Variants in ZNF655 observed in about 807,000 individuals in gnomAD.
The protein encoded by ZNF655 is zinc finger protein 655.
In ZNF655, 3 loss-of-function variants were observed where a neutral mutation model predicts 6.6. The observed-to-expected ratio is 0.46, with a 90% CI of 0.21 to 1.18. The LOEUF is 1.18. ZNF655 is among the 50% of genes most tolerant of loss of function. The probability of loss-of-function intolerance (pLI) is 0.24; values close to 1 mark genes in which losing one functional copy is unlikely to be tolerated. For synonymous variants in ZNF655, 178 were observed against 195.0 expected (o/e 0.91, Z 0.73); for missense variants, 526 against 572.3 (o/e 0.92, Z 0.83).
In ZNF655 at chr7:99,573,085, A is replaced by G. The variant is rs1428229884; in HGVS notation, c.977A>G (p.Lys326Arg). Residue 326 changes from lysine (K) to arginine (R), a missense_variant, in exon 3 of 3, where the codon AAA (lysine) becomes AGA (arginine). Transcript: ENST00000252713. ...VHLTQHQKIH[K>R]EMPCKCTVCG... Reference sequence around the variant, plus strand: ...CTTACTCAACATCAGAAAATTCACAAAGAGATGCCCTGTAAGTGTACTGTA... The same window carrying G: ...CTTACTCAACATCAGAAAATTCACAGAGAGATGCCCTGTAAGTGTACTGTA... The G allele has an allele frequency of 1.9e-6, 3 of 1,614,142 alleles. No individual in the cohort carries two copies. The highest frequency in any genetic ancestry group is 1.7e-6 in the Non-Finnish European group (2 of 1,179,994).
rs1804209108 is a variant in ZNF655 at position 99,573,166 on chromosome 7, A to G, written c.1058A>G (p.His353Arg). Residue 353 changes from histidine to arginine, a missense_variant, in exon 3 of 3, where the codon CAT becomes CGT. Coordinates refer to ENST00000252713, the MANE Select transcript of ZNF655 (RefSeq NM_138494.3). ...SYLLEHQRVH[H>R]EEKAYEYDEY... The stretch of plus-strand genomic sequence containing the variant: ...CTACTTGAACATCAGAGGGTCCATC[A>G]TGAAGAGAAAGCCTATGAGTATGAT... 1.2e-6 allele frequency: 2 copies of G among 1,614,190 alleles called. No homozygotes were observed. Among genetic ancestry groups the G allele is most frequent in the Non-Finnish European group, 1.7e-6 (2 of 1,180,010 alleles).
chr7:99,573,633 A>T lies in ZNF655; in HGVS notation c.*49A>T, dbSNP rs778052484. ...TTATCAAATTCAGGCTTCATTCAGC[A>T]TCTGAGAGTTCACACCAGGGAGAAA... On this transcript the variant is annotated 3_prime_UTR_variant, in exon 3 of 3. Transcript: ENST00000252713. 14 of 1,558,588 alleles carry T rather than the reference A, an allele frequency of 9.0e-6. No homozygotes were observed. Among genetic ancestry groups the T allele is most frequent in the Non-Finnish European group, 1.2e-5 (14 of 1,160,048 alleles).
rs1488352586 is a variant in ZNF655, at chr7:99,574,934, T to C, written c.*1350T>C. On this transcript the variant is annotated 3_prime_UTR_variant, in exon 3 of 3. Transcript: ENST00000252713. ...TGGTCTGGTGTCTTATTTCCTAAAG[T>C]GAAGCATCTTTTTTTAAAAAAGAAT... 1.3e-5 allele frequency: 2 copies of C among 152,236 alleles called. No individual in the cohort carries two copies. Among genetic ancestry groups the C allele is most frequent in the Non-Finnish European group, 1.5e-5 (1 of 68,036 alleles). 9.4% of individuals were successfully genotyped at this position (152,236 alleles called of 1,614,324 possible).
At position 99,572,712 on chromosome 7, in the gene ZNF655, T is replaced by C. The variant is rs1179801304; in HGVS notation, c.604T>C (p.Trp202Arg). The C allele has an allele frequency of 1.9e-6, 3 of 1,613,136 alleles. No homozygotes were observed. Among genetic ancestry groups the C allele is most frequent in the Non-Finnish European group, 2.5e-6 (3 of 1,179,934 alleles). Residue 202 changes from tryptophan to arginine, a missense_variant, in exon 3 of 3, where the codon TGG (tryptophan) becomes CGG (arginine). By Grantham distance (101) the Trp-to-Arg change is moderately radical. Transcript: ENST00000252713. ...AATGGATCTCTCCCACCTTAATAAA[T>C]GGGAGAGCATCCCTAACACTGAGAA... ...SLMDLSHLNKWESIPNTEKSY... is the reference protein window; with the variant it reads ...SLMDLSHLNKRESIPNTEKSY...
chr7:99,572,128 AATAAACTT>A, intron 2 of ZNF655, 109 bp from the exon 3 acceptor site: 1 of 1,156,646 alleles, frequency 8.6e-7, no homozygotes, highest in Non-Finnish European at 1.2e-6. Context: ...TTTCAGAGTA[AATAAACTT>A]TTCTTGTCCT....
Position 99,573,738 on chromosome 7 carries a change from A to T in ZNF655, c.*154A>T. ...GCATCAGATAATTCACACCAGAGAG[A>T]AACCCTCTGAATGTGACGAATGAAG... is the stretch of plus-strand genomic sequence containing the variant. On this transcript the variant is annotated 3_prime_UTR_variant, in exon 3 of 3. Transcript: ENST00000252713. The T allele has an allele frequency of 1.2e-6, 1 of 847,164 alleles. No homozygotes were observed. Among genetic ancestry groups the T allele is most frequent in the Non-Finnish European group, 1.8e-6 (1 of 556,192 alleles). The allele number at this position is 847,164 out of a possible 1,614,324, so 52.5% of individuals were successfully genotyped here.
At position 99,572,650 on chromosome 7, in the gene ZNF655, CAG is replaced by C. The variant is rs754859040; in HGVS notation, c.545_546del (p.Glu182GlyfsTer5). 5.6e-6 allele frequency: 9 copies of C among 1,613,580 alleles called. No individual in the cohort carries two copies. Among genetic ancestry groups the C allele is most frequent in the East Asian group, 2.2e-5 (1 of 44,880 alleles). Reference sequence around the variant, plus strand: ...GGTAAACATGAACACTTAAATCTAACAGAGGATTTTCAGAGTAGTGAATGTAA... The same window carrying C: ...GGTAAACATGAACACTTAAATCTAACAGGATTTTCAGAGTAGTGAATGTAA... On this transcript the variant is annotated frameshift_variant, in exon 3 of 3. Transcript: ENST00000252713. LOFTEE classifies it low-confidence loss of function (END_TRUNC).
intron 2 of ZNF655, chr7:99,564,581 T>C: frequency 1.0e-6 from 1 of 985,550 alleles, no homozygotes; most frequent in Non-Finnish European, 1.2e-6. Flanking sequence ...GCAAAGAAGT[T>C]AAATTTATTT....
chr7:99,560,475 A>G, intron 1 of ZNF655, 58 bp from the exon 2 acceptor site: 1 of 1,519,746 alleles, frequency 6.6e-7, no homozygotes, highest in South Asian at 1.3e-5. Flanking sequence ...TCCTGACGAT[A>G]TAAAATGATG....
intron 2 of ZNF655, 106 bp downstream of exon 2, chr7:99,560,801 A>G: frequency 2.1e-6 from 3 of 1,434,106 alleles, no homozygotes; most frequent in Non-Finnish European, 1.9e-6. Context: ...GAATAAGAAC[A>G]TGGTCCCTAG....
chr7:99,564,767 A>G, intron 2 of ZNF655: 1 of 953,612 alleles, frequency 1.0e-6, no homozygotes, highest in Non-Finnish European at 1.2e-6. Flanking sequence ...ATAGCATAGT[A>G]TGCTATAGAC....
chr7:99,559,575 A>G (rs1013997225), intron 1 of ZNF655, among the ~76,000 whole-genome samples: 3 of 151,532 alleles, frequency 2.0e-5, no homozygotes, highest in Non-Finnish European at 4.4e-5. Flanking sequence ...CATAACTAGC[A>G]TTTTTCTCTG....
intron 2 of ZNF655, among the ~76,000 whole-genome samples, chr7:99,572,012 C>A (rs1229100584): frequency 6.6e-6 from 1 of 152,156 alleles, no homozygotes; most frequent in Non-Finnish European, 1.5e-5. Context: ...AAAATTCTTT[C>A]AGCTGTTTCC....
In ZNF655 at chr7:99,560,626, C is replaced by G; in HGVS notation, c.67C>G (p.Gln23Glu). Residue 23 changes from glutamine to glutamate, a missense_variant, in exon 2 of 3, where the codon CAG becomes GAG. Coordinates refer to ENST00000252713, the MANE Select transcript of ZNF655 (RefSeq NM_138494.3). ...PRVQFQSLET[Q>E]SECLSPEPQF... is the part of the protein sequence containing the mutation. ...GGTCCAGTTTCAGTCTTTGGAGACC[C>G]AGTCTGAGTGTCTGTCCCCAGAGCC... 1 of 1,614,130 alleles carries G rather than the reference C, an allele frequency of 6.2e-7. No individual in the cohort carries two copies. The highest frequency in any genetic ancestry group is 1.1e-5 in the South Asian group (1 of 91,074).
At chr7:99,568,902 T>G (rs1341609332) in intron 2 of ZNF655, among the ~76,000 whole-genome samples, 1 of 152,000 alleles carries the variant, frequency 6.6e-6, no homozygotes, top group East Asian at 2.0e-4. Context: ...ATTCTGCCTC[T>G]GCCTCCCAAG....
rs1804144993 is a variant in ZNF655, at chr7:99,572,254, C to G, written c.146C>G (p.Thr49Ser). ...MEQGLTGDGE[T>S]REENKLLIPK... Reference sequence around the variant, plus strand: ...TTATATATTGTATCAGATGGAGAGACCAGAGAAGAGAACAAGCTGTTGATT... The same window carrying G: ...TTATATATTGTATCAGATGGAGAGAGCAGAGAAGAGAACAAGCTGTTGATT... The change falls in exon 3 of 3, where the codon ACC becomes AGC. Residue 49 changes from threonine (T) to serine (S), a missense_variant. Physicochemically the swap from Thr to Ser is moderately conservative, Grantham distance 58 (BLOSUM62 1). Transcript: ENST00000252713. 6.2e-7 allele frequency: 1 copy of G among 1,601,452 alleles called. No individual in the cohort carries two copies. Among genetic ancestry groups the G allele is most frequent in the African/African-American group, 1.3e-5 (1 of 74,418 alleles).
chr7:99,560,189 A>G (rs918528122), intron 1 of ZNF655, among the ~76,000 whole-genome samples: 1 of 151,348 alleles, frequency 6.6e-6, no homozygotes, highest in African/African-American at 2.4e-5. Flanking sequence ...TATTCAAGCA[A>G]TTCTCCTGCC....
rs1001742771 is a variant in ZNF655, at chr7:99,573,335, A to C, written c.1227A>C (p.Glu409Asp). 6.2e-7 allele frequency: 1 copy of C among 1,614,222 alleles called. No homozygotes were observed. The highest frequency in any genetic ancestry group is 1.7e-5 in the Admixed American group (1 of 60,030). Reference sequence around the variant, plus strand: ...TTCACACAGGAGAGAAAGCACATGAATGTAATGAATGTGGAAAAGCTTTCA... The same window carrying C: ...TTCACACAGGAGAGAAAGCACATGACTGTAATGAATGTGGAAAAGCTTTCA... The part of the protein sequence containing the change: ...QRIHTGEKAH[E>D]CNECGKAFSQ... Residue 409 changes from glutamate (E) to aspartate (D), a missense_variant, in exon 3 of 3, where the codon GAA (glutamate) becomes GAC (aspartate). By Grantham distance (45) the Glu-to-Asp change is conservative. Coordinates refer to ENST00000252713, the MANE Select transcript of ZNF655 (RefSeq NM_138494.3).
intron 2 of ZNF655, among the ~76,000 whole-genome samples, chr7:99,565,137 A>T (rs1480313534): frequency 6.6e-6 from 1 of 152,054 alleles, no homozygotes; most frequent in Non-Finnish European, 1.5e-5. Context: ...GGTTAAGTTT[A>T]TACATTTATT....
Sources: gnomAD v4.1 joint callset for allele counts (sites outside exome capture counted in the v4.1 genomes callset) on GRCh38, gnomAD v4.1.1 for gene constraint, MANE v1.5 for transcripts, NCBI Gene and HGNC (gene_info 2026-07-23, HGNC 2026-07-21) for gene names.